Variants in RANBP17 observed in about 807,000 individuals in gnomAD.
The protein encoded by RANBP17 is ran-binding protein 17.
In RANBP17, 158 loss-of-function variants were observed where a neutral mutation model predicts 141.2. The ratio of observed to expected loss-of-function variants is 1.12; its 90% CI spans 0.98 to 1.28. The LOEUF (loss-of-function observed/expected upper bound fraction) is 1.28, where lower values mean the gene tolerates loss of function less well. Ranked by LOEUF, RANBP17 falls within the 50% of genes most tolerant of loss-of-function variation. The pLI, the probability that RANBP17 is intolerant of heterozygous loss-of-function variation, is 0.00. For missense variants in RANBP17, 1,438 were observed against 1,290.7 expected, an observed-to-expected ratio of 1.11 and a Z score of -1.75; for synonymous variants, 430 against 450.0, an observed-to-expected ratio of 0.96 and a Z score of 0.56.
chr5:171,234,400 G>C (rs1459070831), intron 22 of RANBP17, among the ~76,000 whole-genome samples: 3 of 152,124 alleles, frequency 2.0e-5, no homozygotes, highest in African/African-American at 4.8e-5. Context: ...ATAAAATAGA[G>C]GGCCTCTAGA....
In RANBP17 at chr5:171,227,818, A is replaced by T. The variant is rs375705329; in HGVS notation, c.2422+5978A>T. 1.3e-3 allele frequency among the ~76,000 whole-genome samples: 192 copies of T among 152,302 alleles called. 9 individuals carry two copies. In the South Asian group the frequency reaches 0.038, roughly 30 times the overall value. Reference sequence around the variant, plus strand: ...GAAAATCCTAGGGCCCTTAAGAATTATGCTAAATCTACTCTGCATGTGCTC... The same window carrying T: ...GAAAATCCTAGGGCCCTTAAGAATTTTGCTAAATCTACTCTGCATGTGCTC... On this transcript the variant is annotated intron_variant, in intron 22 of 27. Coordinates refer to ENST00000523189, the MANE Select transcript of RANBP17 (RefSeq NM_022897.5).
chr5:171,205,694 C>G (rs1468649020), intron 20 of RANBP17, 82 bp downstream of exon 20: 6 of 1,063,308 alleles, frequency 5.6e-6, no homozygotes, highest in Non-Finnish European at 8.8e-6. Flanking sequence ...TAGTATGGCA[C>G]AGTAGGGAAG....
intron 1 of RANBP17, among the ~76,000 whole-genome samples, chr5:170,864,109 A>G (rs971714956): frequency 2.6e-5 from 4 of 152,204 alleles, no homozygotes; most frequent in Non-Finnish European, 5.9e-5. Flanking sequence ...GTGTGCATAT[A>G]TACGTTTCAT....
chr5:171,178,182 C>G (rs547712015), intron 16 of RANBP17, among the ~76,000 whole-genome samples: 4 of 143,988 alleles, frequency 2.8e-5, no homozygotes, highest in East Asian at 2.1e-4. Flanking sequence ...CCCCCCACCC[C>G]CCGACAGGCC....
At chr5:171,219,038 C>T (rs1227168268) in intron 21 of RANBP17, among the ~76,000 whole-genome samples, 1 of 151,890 alleles carries the variant, frequency 6.6e-6, no homozygotes, top group African/African-American at 2.4e-5. Context: ...CTGGTTTTTC[C>T]TTTCCATATT....
chr5:170,998,967 G>T (rs927571716), intron 14 of RANBP17, among the ~76,000 whole-genome samples: 1 of 151,868 alleles, frequency 6.6e-6, no homozygotes, highest in African/African-American at 2.4e-5. Flanking sequence ...GTATAGTTCA[G>T]AACAAGAAAA....
chr5:170,996,592 C>T (rs1778830856), intron 14 of RANBP17, among the ~76,000 whole-genome samples: 1 of 152,126 alleles, frequency 6.6e-6, no homozygotes, highest in Non-Finnish European at 1.5e-5. Context: ...AGCATTCAGA[C>T]CTAGGATGGT....
chr5:171,150,255 G>A (rs1293613338), intron 14 of RANBP17, among the ~76,000 whole-genome samples: 8 of 151,528 alleles, frequency 5.3e-5, no homozygotes, highest in Admixed American at 3.3e-4. Context: ...TTTAATTTAG[G>A]TGCAATGTGT....
intron 19 of RANBP17, among the ~76,000 whole-genome samples, chr5:171,202,304 T>C (rs1264450792): frequency 6.6e-6 from 1 of 152,210 alleles, no homozygotes. Context: ...TGTTTCCCCC[T>C]ATAATTATGT....
At chr5:171,114,778 A>C (rs1178857101) in intron 14 of RANBP17, among the ~76,000 whole-genome samples, 2 of 150,958 alleles carry the variant, frequency 1.3e-5, no homozygotes, top group Non-Finnish European at 2.9e-5. Context: ...CCCTTTGCTT[A>C]AGTACTAGGG....
At position 170,888,928 on chromosome 5, in the gene RANBP17, A is replaced by G. The variant is rs140468626; in HGVS notation, c.257-3459A>G. ...ATTCATCACCATTCAACATCAATGG[A>G]TGTTGAATTTTGTCAAATACTTTTT... On this transcript the variant is annotated intron_variant, in intron 3 of 27. Transcript: ENST00000523189. 5.3e-3 allele frequency among the ~76,000 whole-genome samples: 802 copies of G among 152,122 alleles called. 5 individuals are homozygous for G. Among genetic ancestry groups the G allele is most frequent in the African/African-American group, 0.019 (772 of 41,534 alleles).
intron 1 of RANBP17, among the ~76,000 whole-genome samples, chr5:170,869,454 T>C (rs1320865598): frequency 6.6e-6 from 1 of 151,886 alleles, no homozygotes; most frequent in Non-Finnish European, 1.5e-5. Flanking sequence ...CGTGCCTTAA[T>C]ACCAATATAT....
chr5:170,975,399 C>T (rs536343171), intron 14 of RANBP17, among the ~76,000 whole-genome samples: 4 of 152,156 alleles, frequency 2.6e-5, no homozygotes, highest in East Asian at 1.9e-4. Context: ...CGTGGTGGCA[C>T]GTGCCTGTAA....
At chr5:171,277,637 G>GTGTGTGTGTGTATATATATATATATATA (rs1437482589) in intron 25 of RANBP17, among the ~76,000 whole-genome samples, 1 of 56,904 alleles carries the variant, frequency 1.8e-5, no homozygotes, top group African/African-American at 5.8e-5. Context: ...ATATATGTAT[G>GTGTGTGTGTGTATATATATATATATATA]TATATATATA....
chr5:171,095,625 A>T (rs1786633208), intron 14 of RANBP17, among the ~76,000 whole-genome samples: 1 of 152,190 alleles, frequency 6.6e-6, no homozygotes, highest in South Asian at 2.1e-4. Context: ...GGAAGGTTGT[A>T]AGCTTTCTGG....
rs542292173 is a variant in RANBP17, at chr5:171,032,379, G to T, written c.1710+64002G>T. Among the ~76,000 whole-genome samples the T allele has an allele frequency of 3.3e-5, 5 of 152,222 alleles. No homozygotes were observed. In the East Asian group the frequency reaches 9.7e-4, roughly 29 times the overall value. Reference sequence around the variant, plus strand: ...ACAACGCAGTTTAGTTTTCATTACAGTTTGGAATAAAGAGGACAGGGAGTA... The same window carrying T: ...ACAACGCAGTTTAGTTTTCATTACATTTTGGAATAAAGAGGACAGGGAGTA... On this transcript the variant is annotated intron_variant, in intron 14 of 27. Coordinates refer to ENST00000523189, the MANE Select transcript of RANBP17 (RefSeq NM_022897.5).
In RANBP17 at chr5:171,163,163, G is replaced by C. The variant is rs538252724; in HGVS notation, c.1711-6967G>C. ...ATTATGGTTTTAAAATCAAATTCTG[G>C]CAAAAGATTTTTCTGTCTAATTTCA... On this transcript the variant is annotated intron_variant, in intron 14 of 27. Transcript: ENST00000523189. Among the ~76,000 whole-genome samples the C allele has an allele frequency of 2.6e-5, 4 of 152,130 alleles. No individual in the cohort carries two copies. The South Asian group carries it at 8.3e-4, about 32-fold the overall frequency.
intron 27 of RANBP17, among the ~76,000 whole-genome samples, chr5:171,297,155 C>T (rs1768869725): frequency 6.6e-6 from 1 of 152,184 alleles, no homozygotes; most frequent in African/African-American, 2.4e-5. Context: ...TGGCTGGTAT[C>T]TCAGTTGCCA....
At chr5:171,020,065 A>T (rs138630848) in intron 14 of RANBP17, among the ~76,000 whole-genome samples, 4 of 152,110 alleles carry the variant, frequency 2.6e-5, no homozygotes, top group Non-Finnish European at 4.4e-5. Context: ...TTCAGTTTCC[A>T]TGTAATTGTG....
Sources: allele counts gnomAD v4.1 joint callset (sites outside exome capture counted in the v4.1 genomes callset), GRCh38; gene constraint gnomAD v4.1.1; transcripts MANE v1.5; gene names NCBI Gene and HGNC (gene_info 2026-07-23, HGNC 2026-07-21).